DPP10: variants seen among roughly 807,000 people sequenced by gnomAD.
DPP10 encodes the protein dipeptidyl peptidase like 10, also known as inactive dipeptidyl peptidase 10.
Under a neutral mutation model 120.9 loss-of-function variants are expected in DPP10, and 33 were observed. The ratio of observed to expected loss-of-function variants is 0.27; its 90% CI spans 0.21 to 0.37. DPP10 has a LOEUF of 0.37. DPP10 is among the 10% of genes least tolerant of loss of function. DPP10 has a pLI of 1.00. For synonymous variants in DPP10, 337 were observed against 326.1 expected, an observed-to-expected ratio of 1.03 and a Z score of -0.36; for missense variants, 816 against 942.8, an observed-to-expected ratio of 0.87 and a Z score of 1.76.
At chr2:115,041,125 A>C (rs1050001814) in intron 1 of DPP10, among the ~76,000 whole-genome samples, 5 of 151,588 alleles carry the variant, frequency 3.3e-5, no homozygotes, top group East Asian at 2.0e-4. Context: ...AACAAAAAAA[A>C]AAAAAAAAAA....
intron 1 of DPP10, among the ~76,000 whole-genome samples, chr2:114,565,064 TA>T (rs1280741205): frequency 6.6e-6 from 1 of 152,210 alleles, no homozygotes; most frequent in Admixed American, 6.5e-5. Context: ...ATGTCAAGTG[TA>T]AGCCTCCTCT....
intron 1 of DPP10, among the ~76,000 whole-genome samples, chr2:114,873,354 A>G (rs1005226648): frequency 1.3e-5 from 2 of 152,162 alleles, no homozygotes; most frequent in African/African-American, 2.4e-5. Flanking sequence ...GTAGTATTCA[A>G]TCCAGGTTGA....
chr2:114,959,323 T>C (rs1482447549), intron 1 of DPP10, among the ~76,000 whole-genome samples: 1 of 152,228 alleles, frequency 6.6e-6, no homozygotes, highest in Non-Finnish European at 1.5e-5. Flanking sequence ...GAGTAGAATC[T>C]TACAGTATGT....
rs751276992 is a variant in DPP10 at position 115,836,233 on chromosome 2, C to T, written c.2027C>T (p.Pro676Leu). The T allele has an allele frequency of 6.2e-7, 1 of 1,607,782 alleles. No individual in the cohort carries two copies. Among genetic ancestry groups the T allele is most frequent in the South Asian group, 1.1e-5 (1 of 89,662 alleles). The change falls in exon 22 of 26, where the codon CCT (proline) becomes CTT (leucine). Residue 676 changes from proline (P) to leucine (L), a missense_variant. Physicochemically the swap from Pro to Leu is moderately conservative, Grantham distance 98 (BLOSUM62 -3). Coordinates refer to ENST00000410059, the MANE Select transcript of DPP10 (RefSeq NM_020868.6). Reference sequence around the variant, plus strand: ...TTTAAATGTGGATCCGTGGTTGCACCTATCACAGACTTGAAATTGTATGGT... The same window carrying T: ...TTTAAATGTGGATCCGTGGTTGCACTTATCACAGACTTGAAATTGTATGGT... ...KLFKCGSVVA[P>L]ITDLKLYASA...
chr2:115,840,990 T>A (rs954363561), intron 25 of DPP10, among the ~76,000 whole-genome samples, 167 bp downstream of exon 25: 1 of 152,084 alleles, frequency 6.6e-6, no homozygotes, highest in South Asian at 2.1e-4. Context: ...AGAATGTGGA[T>A]GAACTCATGC....
At chr2:115,127,164 GTATTTTGTTT>G (rs2050121985) in intron 1 of DPP10, among the ~76,000 whole-genome samples, 5 of 152,162 alleles carry the variant, frequency 3.3e-5, no homozygotes. Context: ...TGTTGCTGTT[GTATTTTGTTT>G]TATTTTGTGG....
intron 3 of DPP10, among the ~76,000 whole-genome samples, chr2:115,409,039 A>G (rs2068739745): frequency 6.6e-6 from 1 of 152,100 alleles, no homozygotes; most frequent in Non-Finnish European, 1.5e-5. Context: ...TAAAGGAAGG[A>G]AAACAAAAAA....
At chr2:115,032,480 G>A (rs1703906823) in intron 1 of DPP10, among the ~76,000 whole-genome samples, 1 of 152,226 alleles carries the variant, frequency 6.6e-6, no homozygotes, top group Admixed American at 6.5e-5. Flanking sequence ...TTTTCCTTTA[G>A]CAATAATCAA....
chr2:114,833,306 A>T (rs1687305833), intron 1 of DPP10: 1 of 151,724 alleles, frequency 6.6e-6, no homozygotes, highest in Non-Finnish European at 1.5e-5. Flanking sequence ...AAATTGATCA[A>T]GCAAAAAAAT....
At chr2:114,525,235 G>T (rs1330647095) in intron 1 of DPP10, among the ~76,000 whole-genome samples, 1 of 152,156 alleles carries the variant, frequency 6.6e-6, no homozygotes, top group Non-Finnish European at 1.5e-5. Context: ...TTATAAAAAT[G>T]TATTTGGCAA....
chr2:114,729,908 G>C (rs964389359), intron 1 of DPP10, among the ~76,000 whole-genome samples: 94 of 152,316 alleles, frequency 6.2e-4, no homozygotes, highest in African/African-American at 2.2e-3. Context: ...AGAACAGGCA[G>C]TAATTGATGA....
At chr2:115,419,601 T>G (rs2069751224) in intron 3 of DPP10, among the ~76,000 whole-genome samples, 1 of 152,110 alleles carries the variant, frequency 6.6e-6, no homozygotes, top group African/African-American at 2.4e-5. Flanking sequence ...AACATGAGAC[T>G]TGGAGGGGAC....
chr2:115,767,019 G>T (rs1328524029), intron 12 of DPP10, among the ~76,000 whole-genome samples: 1 of 152,100 alleles, frequency 6.6e-6, no homozygotes, highest in Non-Finnish European at 1.5e-5. Context: ...CAGGTGCTAT[G>T]GAAAACTAGA....
At chr2:115,831,937 G>A (rs1397615864) in intron 21 of DPP10, among the ~76,000 whole-genome samples, 2 of 152,166 alleles carry the variant, frequency 1.3e-5, no homozygotes, top group African/African-American at 4.8e-5. Context: ...AGCCTACACT[G>A]ATGATGGAAG....
chr2:115,149,238 G>A (rs2051398668), intron 1 of DPP10, among the ~76,000 whole-genome samples: 1 of 151,954 alleles, frequency 6.6e-6, no homozygotes, highest in Non-Finnish European at 1.5e-5. Context: ...GATGCTCAAC[G>A]GCAGTTGGTT....
chr2:115,098,273 A>G (rs2048499387), intron 1 of DPP10, among the ~76,000 whole-genome samples: 1 of 152,212 alleles, frequency 6.6e-6, no homozygotes, highest in African/African-American at 2.4e-5. Flanking sequence ...TGAGAGAAAT[A>G]GATGGTTTAA....
At chr2:115,305,544 G>A (rs1312356080) in intron 1 of DPP10, among the ~76,000 whole-genome samples, 2 of 151,876 alleles carry the variant, frequency 1.3e-5, no homozygotes, top group South Asian at 2.1e-4. Context: ...ATCAGCCTGG[G>A]CAACATAGAA....
chr2:115,149,582 C>A (rs941664981), intron 1 of DPP10, among the ~76,000 whole-genome samples: 1 of 152,268 alleles, frequency 6.6e-6, no homozygotes, highest in Non-Finnish European at 1.5e-5. Flanking sequence ...AACTAGTAGT[C>A]TTTGATACTT....
chr2:114,765,176 A>G (rs1213547509), intron 1 of DPP10, among the ~76,000 whole-genome samples: 1 of 152,126 alleles, frequency 6.6e-6, no homozygotes, highest in Non-Finnish European at 1.5e-5. Flanking sequence ...ACCATTATCA[A>G]TTTTTAAAAA....
Sources: gnomAD v4.1 joint callset for allele counts (sites outside exome capture counted in the v4.1 genomes callset) on GRCh38, gnomAD v4.1.1 for gene constraint, MANE v1.5 for transcripts, NCBI Gene and HGNC (gene_info 2026-07-23, HGNC 2026-07-21) for gene names.